Variants in CRYBG1 observed in about 807,000 individuals in gnomAD.
The protein encoded by CRYBG1 is crystallin beta-gamma domain containing 1.
A neutral mutation model predicts 189.2 loss-of-function variants in CRYBG1; 139 were observed. That is an observed-to-expected ratio of 0.73 (90% CI 0.64 to 0.85). The LOEUF (loss-of-function observed/expected upper bound fraction) is 0.85. Ranked by LOEUF, CRYBG1 falls within the 40% of genes least tolerant of loss-of-function variation. The pLI is 0.00. For synonymous variants in CRYBG1, 1,023 were observed against 1,017.1 expected, an observed-to-expected ratio of 1.01 and a Z score of -0.11; for missense variants, 2,611 against 2,675.8, an observed-to-expected ratio of 0.98 and a Z score of 0.53.
intron 10 of CRYBG1, among the ~76,000 whole-genome samples, chr6:106,542,024 G>A (rs952821365): frequency 2.0e-5 from 3 of 151,904 alleles, no homozygotes; most frequent in South Asian, 2.1e-4. Context: ...TTCCCACATC[G>A]ATGCCACACA....
chr6:106,367,642 T>C (rs1302633124), intron 1 of CRYBG1, among the ~76,000 whole-genome samples: 1 of 151,550 alleles, frequency 6.6e-6, no homozygotes, highest in East Asian at 1.9e-4. Flanking sequence ...ATTAATAGTT[T>C]TGCCAGAATG....
chr6:106,521,008 C>T lies in CRYBG1; in HGVS notation c.3800C>T (p.Thr1267Ile). 2.5e-6 allele frequency: 4 copies of T among 1,614,174 alleles called. No homozygotes were observed. The South Asian group carries it at 4.4e-5, about 18-fold the overall frequency. ...TCTGTGACATCAGTCAACACTATGA[C>T]CACGGCTTTCAGTACTTCTCAGAAC... is the stretch of plus-strand genomic sequence containing the variant. ...SPSVTSVNTM[T>I]TAFSTSQNGS... Residue 1267 changes from threonine (T) to isoleucine (I), a missense_variant, in exon 4 of 22, where the codon ACC becomes ATC. Physicochemically the swap from Thr to Ile is moderately conservative, Grantham distance 89. Coordinates refer to ENST00000633556, the MANE Select transcript of CRYBG1 (RefSeq NM_001371242.2).
chr6:106,536,038 C>T, intron 8 of CRYBG1, among the ~76,000 whole-genome samples: 10 of 876 alleles, frequency 0.011, 5 homozygotes, highest in East Asian at 0.083. Context: ...CCCGCCTCGG[C>T]CTCCCAAAGT....
chr6:106,520,249 ACT>A lies in CRYBG1; in HGVS notation c.3045_3046del (p.His1016LeufsTer38), dbSNP rs1203811151. 1 of 1,613,936 alleles carries A rather than the reference ACT, an allele frequency of 6.2e-7. No individual in the cohort carries two copies. The highest frequency in any genetic ancestry group is 8.5e-7 in the Non-Finnish European group (1 of 1,180,014). ...CAAGAGGAAGTACTGGGCAATGAAC[ACT>A]CTCATTGCACAGCAGAGCTCGCGGC... On this transcript the variant is annotated frameshift_variant, in exon 4 of 22. Transcript: ENST00000633556. LOFTEE classifies it high-confidence loss of function.
At chr6:106,384,411 G>T (rs748885096) in intron 1 of CRYBG1, among the ~76,000 whole-genome samples, 3 of 152,054 alleles carry the variant, frequency 2.0e-5, no homozygotes, top group Non-Finnish European at 4.4e-5. Context: ...TTACTACATT[G>T]TAATATATAA....
intron 1 of CRYBG1, among the ~76,000 whole-genome samples, chr6:106,421,491 C>T (rs1771122031): frequency 6.6e-6 from 1 of 152,076 alleles, no homozygotes; most frequent in Non-Finnish European, 1.5e-5. Context: ...TATCTGGATA[C>T]TCTCTTTAGG....
rs1365549528 is a variant in CRYBG1 at position 106,461,267 on chromosome 6, C to CA, written c.312+9436dup. 7.2e-5 allele frequency among the ~76,000 whole-genome samples: 11 copies of CA among 152,290 alleles called. No homozygotes were observed. The East Asian group carries it at 2.1e-3, about 29-fold the overall frequency. The stretch of plus-strand genomic sequence containing the variant: ...ATACTTGAGTGGTAATCACCCTGAC[C>CA]AGCTGCCCATGTAAGGAATTGCTAA... On this transcript the variant is annotated intron_variant, in intron 2 of 21. Coordinates refer to ENST00000633556, the MANE Select transcript of CRYBG1 (RefSeq NM_001371242.2).
Position 106,497,843 on chromosome 6 carries a change from C to A in CRYBG1, c.313-13587C>A, listed in dbSNP as rs568238802. ...CAGTGGCTCATGCCTGTAATCCCAG[C>A]ACTTTGGGAGGCCGAGGTGGGCAGA... is the stretch of plus-strand genomic sequence containing the variant. On this transcript the variant is annotated intron_variant, in intron 2 of 21. Coordinates refer to ENST00000633556, the MANE Select transcript of CRYBG1 (RefSeq NM_001371242.2). Among the ~76,000 whole-genome samples, 12 of 152,312 alleles carry A rather than the reference C, an allele frequency of 7.9e-5. No homozygotes were observed. In the East Asian group the frequency reaches 2.3e-3, roughly 29 times the overall value.
At chr6:106,432,989 G>A (rs1045188552) in intron 1 of CRYBG1, among the ~76,000 whole-genome samples, 39 of 151,740 alleles carry the variant, frequency 2.6e-4, no homozygotes, top group African/African-American at 6.8e-4. Context: ...ATAGGCAGGC[G>A]CCACCACACC....
At chr6:106,481,167 G>GTTTTAGTA (rs1772444693) in intron 2 of CRYBG1, among the ~76,000 whole-genome samples, 1 of 78,646 alleles carries the variant, frequency 1.3e-5, no homozygotes, top group Non-Finnish European at 2.3e-5. Flanking sequence ...GTAGAGACGG[G>GTTTTAGTA]GTTTCACCGT....
At chr6:106,471,774 T>C (rs1228894562) in intron 2 of CRYBG1, among the ~76,000 whole-genome samples, 2 of 146,572 alleles carry the variant, frequency 1.4e-5, no homozygotes, top group Admixed American at 1.4e-4. Flanking sequence ...GTGTTTTAGC[T>C]CTATTAAGCA....
At chr6:106,459,713 AT>A (rs1188703779) in intron 2 of CRYBG1, among the ~76,000 whole-genome samples, 1 of 151,838 alleles carries the variant, frequency 6.6e-6, no homozygotes, top group Non-Finnish European at 1.5e-5. Context: ...TTGCTTCTAC[AT>A]TTTTTTTCTT....
chr6:106,393,279 C>G (rs1770543719), intron 1 of CRYBG1, among the ~76,000 whole-genome samples: 1 of 152,184 alleles, frequency 6.6e-6, no homozygotes, highest in African/African-American at 2.4e-5. Flanking sequence ...CAATGATGCA[C>G]AGGGGGTCCA....
intron 1 of CRYBG1, among the ~76,000 whole-genome samples, chr6:106,450,782 TC>T (rs1381541372): frequency 6.6e-6 from 1 of 152,212 alleles, no homozygotes. Context: ...AGGGAAACTT[TC>T]TCTTCTTGTA....
At chr6:106,502,817 G>A (rs1458233407) in intron 2 of CRYBG1, among the ~76,000 whole-genome samples, 1 of 144,750 alleles carries the variant, frequency 6.9e-6, no homozygotes, top group African/African-American at 2.4e-5. Flanking sequence ...AGCCAAGAAG[G>A]GCTAAAAAAA....
intron 2 of CRYBG1, among the ~76,000 whole-genome samples, chr6:106,489,017 T>G (rs1265797501): frequency 1.3e-5 from 2 of 152,208 alleles, no homozygotes; most frequent in East Asian, 1.9e-4. Context: ...CTGTTCACAC[T>G]GGACTTAGGG....
rs866002427 is a variant in CRYBG1, at chr6:106,561,500, G to A, written c.6138G>A (p.Arg2046=). 6.2e-7 allele frequency: 1 copy of A among 1,610,782 alleles called. No individual in the cohort carries two copies. Among genetic ancestry groups the A allele is most frequent in the Non-Finnish European group, 8.5e-7 (1 of 1,177,960 alleles). The change falls in exon 20 of 22, where the codon AGG becomes AGA. Residue 2046 remains arginine, a splice_region_variant and synonymous_variant. Coordinates refer to ENST00000633556, the MANE Select transcript of CRYBG1 (RefSeq NM_001371242.2). ...ATCAAGAAGGATGTATCAAATGCAGGGTGAGCTTTAGGATTCCACGGGGGC... is the reference window on the plus strand; with the variant it reads ...ATCAAGAAGGATGTATCAAATGCAGAGTGAGCTTTAGGATTCCACGGGGGC... ...WIYQEGCIKC[R]IAEDCCLTIV...
chr6:106,393,043 G>A (rs2114340375), intron 1 of CRYBG1, among the ~76,000 whole-genome samples: 1 of 152,266 alleles, frequency 6.6e-6, no homozygotes, highest in Non-Finnish European at 1.5e-5. Flanking sequence ...TCAAAGTGCT[G>A]GGATTACAGG....
At chr6:106,497,974 G>A (rs978306263) in intron 2 of CRYBG1, among the ~76,000 whole-genome samples, 12 of 151,998 alleles carry the variant, frequency 7.9e-5, no homozygotes, top group African/African-American at 2.4e-4. Flanking sequence ...GGTGGCGCAC[G>A]CCTGTAGTCC....
Sources: allele counts gnomAD v4.1 joint callset (sites outside exome capture counted in the v4.1 genomes callset), GRCh38; gene constraint gnomAD v4.1.1; transcripts MANE v1.5; gene names NCBI Gene and HGNC (gene_info 2026-07-23, HGNC 2026-07-21).